Variants in CDAN1 observed in about 807,000 individuals in gnomAD.
The protein encoded by CDAN1 is codanin 1, also known as codanin-1.
CDAN1 carries 107 observed loss-of-function variants against 139.8 expected under a neutral mutation model. The ratio of observed to expected loss-of-function variants is 0.77; its 90% CI spans 0.65 to 0.90. The LOEUF is 0.90. Among genes scored for constraint, CDAN1 ranks in the 40% least tolerant of loss-of-function variants. The pLI is 0.00. For missense variants in CDAN1, 1,667 were observed against 1,575.7 expected, an observed-to-expected ratio of 1.06 and a Z score of -0.98; for synonymous variants, 776 against 660.6, an observed-to-expected ratio of 1.17 and a Z score of -2.68.
At position 42,731,204 on chromosome 15, in the gene CDAN1, T is replaced by G. The variant is rs1307492934; in HGVS notation, c.1860+7A>C. On this transcript the variant is annotated splice_region_variant and intron_variant, in intron 12 of 27. Transcript: ENST00000356231. ...ACCCCATTATTTCCCTTGTTCTGTTTTCGGACCTGCCAGTCTACGTCTGAC... is the reference window on the plus strand; with the variant it reads ...ACCCCATTATTTCCCTTGTTCTGTTGTCGGACCTGCCAGTCTACGTCTGAC... The G allele has an allele frequency of 6.2e-7, 1 of 1,614,232 alleles. No individual in the cohort carries two copies. Among genetic ancestry groups the G allele is most frequent in the African/African-American group, 1.3e-5 (1 of 75,060 alleles).
Position 42,726,125 on chromosome 15 carries a change from C to T in CDAN1, c.3240G>A (p.Lys1080=), listed in dbSNP as rs745908891. The change falls in exon 25 of 28, where the codon AAG becomes AAA. Residue 1080 remains lysine (K), a synonymous_variant. Coordinates refer to ENST00000356231, the MANE Select transcript of CDAN1 (RefSeq NM_138477.4). Reference sequence around the variant, plus strand: ...GGAGGGAAGCTAACTCCACAGAGCACTTTGCCAGATGCTGCTCAGCAGGTG... The same window carrying T: ...GGAGGGAAGCTAACTCCACAGAGCATTTTGCCAGATGCTGCTCAGCAGGTG... ...LCPPAEQHLA[K]CSVELASLLV... 6.2e-6 allele frequency: 10 copies of T among 1,614,006 alleles called. No individual in the cohort carries two copies. Among genetic ancestry groups the T allele is most frequent in the Non-Finnish European group, 8.5e-6 (10 of 1,180,030 alleles).
intron 6 of CDAN1, among the ~76,000 whole-genome samples, chr15:42,734,639 T>TGTCACCCAGGCTGGGCTGGGC (rs931955214): frequency 7.9e-5 from 12 of 152,114 alleles, no homozygotes; most frequent in East Asian, 1.9e-4. Context: ...TGGGGGTCTC[T>TGTCACCCAGGCTGGGCTGGGC]GTCACCCAGG....
intron 9 of CDAN1, 80 bp from the exon 10 acceptor site, chr15:42,732,488 G>T: frequency 7.5e-7 from 1 of 1,336,980 alleles, no homozygotes; most frequent in Non-Finnish European, 1.1e-6. Context: ...CCAACCCCTG[G>T]ACTTCCCAGC....
Position 42,731,609 on chromosome 15 carries a change from G to T in CDAN1, c.1739+11C>A. ...TCTGCCCCATTCCTTGCAAGACACAGGGGAGCCTACCTGCTGGCACTAAGG... is the reference window on the plus strand; with the variant it reads ...TCTGCCCCATTCCTTGCAAGACACATGGGAGCCTACCTGCTGGCACTAAGG... On this transcript the variant is annotated intron_variant, in intron 11 of 27. Coordinates refer to ENST00000356231, the MANE Select transcript of CDAN1 (RefSeq NM_138477.4). 6.2e-7 allele frequency: 1 copy of T among 1,613,606 alleles called. No homozygotes were observed. Among genetic ancestry groups the T allele is most frequent in the South Asian group, 1.1e-5 (1 of 91,020 alleles).
rs776745243 is a variant in CDAN1 at position 42,730,216 on chromosome 15, C to CT, written c.2175-2dup. ...ACTCTCCTGCGACAACACCAAGCTC[C>CT]TGAAACATCAATGGGCAGTACACGG... On this transcript the variant is annotated splice_acceptor_variant, in intron 14 of 27. Coordinates refer to ENST00000356231, the MANE Select transcript of CDAN1 (RefSeq NM_138477.4). LOFTEE classifies it high-confidence loss of function. The CT allele has an allele frequency of 1.2e-6, 2 of 1,613,688 alleles. No individual in the cohort carries two copies. Among genetic ancestry groups the CT allele is most frequent in the African/African-American group, 2.7e-5 (2 of 74,908 alleles).
Position 42,730,944 on chromosome 15 carries a change from A to T in CDAN1, c.1988T>A (p.Ile663Asn), listed in dbSNP as rs753779429. ...PPPTGELQDS[I>N]LALRSQVPPV... ...ATTCACCTGGCTCCTGAGGGCCAGA[A>T]TGGAGTCCTGAAGCTCACCGGTCGG... The change falls in exon 13 of 28, where the codon ATT becomes AAT. Residue 663 changes from isoleucine to asparagine, a missense_variant. By Grantham distance (149) the Ile-to-Asn change is moderately radical. This residue lies in a region of CDAN1 where 936 missense variants were observed against 844.1 expected (regional missense o/e 1.11). Coordinates refer to ENST00000356231, the MANE Select transcript of CDAN1 (RefSeq NM_138477.4). The T allele has an allele frequency of 6.2e-7, 1 of 1,614,038 alleles. No individual in the cohort carries two copies. The highest frequency in any genetic ancestry group is 1.3e-5 in the African/African-American group (1 of 74,930).
Position 42,733,969 on chromosome 15 carries a change from C to T in CDAN1, c.1336G>A (p.Asp446Asn). ...TTCTTAAAAGTATGAAAGGCTCGGTCACTGGAGAAGTTGGCACGATTGTCA... is the reference window on the plus strand; with the variant it reads ...TTCTTAAAAGTATGAAAGGCTCGGTTACTGGAGAAGTTGGCACGATTGTCA... ...ETDNRANFSS[D>N]RAFHTFKKQR... Residue 446 changes from aspartate (D) to asparagine (N), a missense_variant, in exon 8 of 28, where the codon GAC becomes AAC. This residue lies in a region of CDAN1 where 244 missense variants were observed against 309.4 expected (regional missense o/e 0.79). Transcript: ENST00000356231. 6.2e-7 allele frequency: 1 copy of T among 1,613,996 alleles called. No individual in the cohort carries two copies. Among genetic ancestry groups the T allele is most frequent in the South Asian group, 1.1e-5 (1 of 91,044 alleles).
At chr15:42,730,894 CCCT>C (rs2061602094) in intron 13 of CDAN1, 28 bp downstream of exon 13, 2 of 1,613,982 alleles carry the variant, frequency 1.2e-6, no homozygotes, top group Non-Finnish European at 1.7e-6. Context: ...CCTCCCTGCT[CCCT>C]CCTCACCAGA....
intron 11 of CDAN1, 63 bp from the exon 12 acceptor site, chr15:42,731,394 GA>G (rs1386525040): frequency 6.2e-7 from 1 of 1,606,480 alleles, no homozygotes; most frequent in Non-Finnish European, 8.5e-7. Flanking sequence ...CCAGAATCGA[GA>G]AGGGGCACTC....
intron 1 of CDAN1, 70 bp downstream of exon 1, chr15:42,736,943 G>T: frequency 6.7e-7 from 1 of 1,497,492 alleles, no homozygotes; most frequent in Non-Finnish European, 9.0e-7. Context: ...AGAGGAAGGG[G>T]ACTGGAGGGC....
intron 13 of CDAN1, 67 bp downstream of exon 13, chr15:42,730,858 C>T: frequency 6.2e-7 from 1 of 1,613,604 alleles, no homozygotes; most frequent in Non-Finnish European, 8.5e-7. Flanking sequence ...GCCAAGGAAA[C>T]CAGTCAGCTT....
Position 42,724,414 on chromosome 15 carries a change from T to C in CDAN1, c.*77A>G, listed in dbSNP as rs1393211591. The C allele has an allele frequency of 3.3e-6, 5 of 1,536,774 alleles. No individual in the cohort carries two copies. Among genetic ancestry groups the C allele is most frequent in the African/African-American group, 1.4e-5 (1 of 73,040 alleles). The stretch of plus-strand genomic sequence containing the variant: ...ACACCCCAACCAGTGAGGGTCTGCA[T>C]TGGGCACTTGGGCCTCCTCGTGAGG... On this transcript the variant is annotated 3_prime_UTR_variant, in exon 28 of 28. Coordinates refer to ENST00000356231, the MANE Select transcript of CDAN1 (RefSeq NM_138477.4).
intron 19 of CDAN1, 38 bp from the exon 20 acceptor site, chr15:42,728,848 G>A (rs761020947): frequency 6.2e-7 from 1 of 1,613,706 alleles, no homozygotes; most frequent in South Asian, 1.1e-5. Context: ...TGGTTGGAGG[G>A]TTAATCGGAA....
Position 42,735,558 on chromosome 15 carries a change from G to A in CDAN1, c.895C>T (p.Arg299Cys), listed in dbSNP as rs1408930257. 1.2e-6 allele frequency: 2 copies of A among 1,614,218 alleles called. No homozygotes were observed. The highest frequency in any genetic ancestry group is 1.1e-5 in the South Asian group (1 of 91,090). The change falls in exon 4 of 28, where the codon CGC (arginine) becomes TGC (cysteine). Residue 299 changes from arginine (R) to cysteine (C), a missense_variant. Physicochemically the swap from Arg to Cys is radical, Grantham distance 180. Transcript: ENST00000356231. Reference sequence around the variant, plus strand: ...AGGGCTACAAGCTCCAGGCGCTGGCGGGAAGACACTCTGGCAGGGTCTGCA... The same window carrying A: ...AGGGCTACAAGCTCCAGGCGCTGGCAGGAAGACACTCTGGCAGGGTCTGCA... ...EPADPARVSS[R>C]QRLELVALVY...
Position 42,726,434 on chromosome 15 carries a change from G to A in CDAN1, c.3097-17C>T. The A allele has an allele frequency of 1.3e-6, 2 of 1,564,724 alleles. No homozygotes were observed. Among genetic ancestry groups the A allele is most frequent in the Non-Finnish European group, 1.7e-6 (2 of 1,150,740 alleles). ...GAGCACGTCCTGTGAAGAGCAGGGG[G>A]AGATATCACCTTGCGCTGGGGGCCA... On this transcript the variant is annotated splice_polypyrimidine_tract_variant and intron_variant, in intron 23 of 27. Transcript: ENST00000356231.
Position 42,729,627 on chromosome 15 carries a change from G to T in CDAN1, c.2353-5C>A. On this transcript the variant is annotated splice_polypyrimidine_tract_variant and splice_region_variant and intron_variant, in intron 16 of 27. Transcript: ENST00000356231. ...GTCCACCACAGGCGCATTGTCCTGG[G>T]GAGAAAAGGTTGGTGTCAGCAGACT... 1 of 1,614,064 alleles carries T rather than the reference G, an allele frequency of 6.2e-7. No individual in the cohort carries two copies. Among genetic ancestry groups the T allele is most frequent in the South Asian group, 1.1e-5 (1 of 91,074 alleles).
intron 10 of CDAN1, 97 bp downstream of exon 10, chr15:42,732,236 T>C (rs2061623277): frequency 4.3e-6 from 5 of 1,161,822 alleles, no homozygotes; most frequent in Non-Finnish European, 6.5e-6. Context: ...GCCCAGGACC[T>C]GCCAGGCTGT....
In CDAN1 at chr15:42,725,261, A is replaced by C. The variant is rs751456591; in HGVS notation, c.3451-10T>G. The C allele has an allele frequency of 2.5e-6, 4 of 1,612,702 alleles. No homozygotes were observed. Among genetic ancestry groups the C allele is most frequent in the Non-Finnish European group, 3.4e-6 (4 of 1,178,798 alleles). On this transcript the variant is annotated splice_polypyrimidine_tract_variant and intron_variant, in intron 26 of 27. Transcript: ENST00000356231. ...ATAGCAGCAAGTCCCACTGCAAAAC[A>C]CACCGAGGTCAGGGTTGCTAGGAGG...
chr15:42,727,724 C>G lies in CDAN1; in HGVS notation c.2993G>C (p.Arg998Pro), dbSNP rs764269200. ...EVKAAVSRTL[R>P]AQGPEPAARG... ...GGCAGCAGGTTCAGGACCCTGGGCT[C>G]GAAGTGTGCGACTCACTGCTGCTTT... Residue 998 changes from arginine (R) to proline (P), a missense_variant, in exon 23 of 28, where the codon CGA becomes CCA. This residue lies in a region of CDAN1 where 936 missense variants were observed against 844.1 expected (regional missense o/e 1.11). Coordinates refer to ENST00000356231, the MANE Select transcript of CDAN1 (RefSeq NM_138477.4). The G allele has an allele frequency of 2.5e-6, 4 of 1,584,796 alleles. No individual in the cohort carries two copies. Among genetic ancestry groups the G allele is most frequent in the East Asian group, 2.3e-5 (1 of 44,424 alleles).
Sources: gnomAD v4.1 joint callset for allele counts (sites outside exome capture counted in the v4.1 genomes callset) on GRCh38, gnomAD v4.1.1 for gene constraint, gnomAD v4.1.1 regional missense constraint, MANE v1.5 for transcripts, NCBI Gene and HGNC (gene_info 2026-07-23, HGNC 2026-07-21) for gene names.